Variants in MTCL2 observed in about 807,000 individuals in gnomAD.
The protein encoded by MTCL2 is microtubule crosslinking factor 2, also known as microtubule cross-linking factor 2.
chr20:36,825,184 C>A, the MTCL2 span, among the ~76,000 whole-genome samples: 1 of 152,170 alleles, frequency 6.6e-6, no homozygotes. Flanking sequence ...CTCAGGTGAT[C>A]CACCCGCCTT....
the MTCL2 span, among the ~76,000 whole-genome samples, chr20:36,854,756 T>C: frequency 2.0e-5 from 3 of 152,236 alleles, no homozygotes; most frequent in South Asian, 4.1e-4. Context: ...ATTTTTTTCA[T>C]AGAGGCTGAG....
chr20:36,805,743 T>C, the MTCL2 span: 8,867 of 976,766 alleles, frequency 9.1e-3, 928 homozygotes, highest in East Asian at 0.21. Context: ...GGCAATAACT[T>C]GCAACTTCAA....
At chr20:36,814,759 C>A in the MTCL2 span, among the ~76,000 whole-genome samples, 1 of 152,070 alleles carries the variant, frequency 6.6e-6, no homozygotes, top group Non-Finnish European at 1.5e-5. Flanking sequence ...TGATGGAGGG[C>A]GCCTGTAATC....
chr20:36,862,868 C>T, the MTCL2 span: 2 of 1,228,644 alleles, frequency 1.6e-6, no homozygotes, highest in Non-Finnish European at 2.0e-6. Flanking sequence ...CGGGCTGGGC[C>T]GGCTGCCCCG....
chr20:36,780,699 G>A, the MTCL2 span: 2 of 152,232 alleles, frequency 1.3e-5, no homozygotes, highest in African/African-American at 4.8e-5. Context: ...GTTACATGGG[G>A]TGGGACATTA....
chr20:36,839,540 A>G, the MTCL2 span: 4 of 1,069,588 alleles, frequency 3.7e-6, no homozygotes, highest in African/African-American at 1.6e-5. This position sits in a 1 kb window ranked among gnomAD's most constrained non-coding sequence, Gnocchi z 5.1. Flanking sequence ...ACCGTGGGGG[A>G]CCTGGATGTG....
At chr20:36,829,348 C>T in the MTCL2 span, 1 of 843,436 alleles carries the variant, frequency 1.2e-6, no homozygotes, top group Non-Finnish European at 1.8e-6. Flanking sequence ...TGCCACGCTG[C>T]AGATGAGCAA....
chr20:36,824,456 C>G, the MTCL2 span, among the ~76,000 whole-genome samples: 1 of 151,678 alleles, frequency 6.6e-6, no homozygotes, highest in Non-Finnish European at 1.5e-5. Flanking sequence ...CCAGAACAGG[C>G]AAATCCAGAG....
chr20:36,832,571 C>T, the MTCL2 span, among the ~76,000 whole-genome samples: 8 of 152,288 alleles, frequency 5.3e-5, no homozygotes, highest in Admixed American at 3.3e-4. Flanking sequence ...CGATGACTCA[C>T]GCCTATAATC....
At chr20:36,815,431 C>G in the MTCL2 span, 7 of 1,612,226 alleles carry the variant, frequency 4.3e-6, no homozygotes, top group Non-Finnish European at 5.9e-6. This position sits in a 1 kb window ranked among gnomAD's most constrained non-coding sequence, Gnocchi z 5.3. Flanking sequence ...GCATCAGCCA[C>G]CAGGACATCG....
the MTCL2 span, among the ~76,000 whole-genome samples, chr20:36,810,717 C>CCTCTCTCTCCCTCTCTCTCTCT: frequency 2.1e-5 from 2 of 94,194 alleles, no homozygotes; most frequent in Non-Finnish European, 4.2e-5. Context: ...TCTCTCTCTC[C>CCTCTCTCTCCCTCTCTCTCTCT]CTCTCTCTCT....
chr20:36,851,908 G>T, the MTCL2 span, among the ~76,000 whole-genome samples: 1 of 152,146 alleles, frequency 6.6e-6, no homozygotes, highest in African/African-American at 2.4e-5. Context: ...ACTACTTCTA[G>T]TCAGCGCTCC....
At chr20:36,819,610 C>CAAAAA in the MTCL2 span, among the ~76,000 whole-genome samples, 1 of 126,136 alleles carries the variant, frequency 7.9e-6, no homozygotes, top group Non-Finnish European at 1.7e-5. Flanking sequence ...CAGAATTACT[C>CAAAAA]AAAAAAAAAA....
At chr20:36,830,407 A>G in the MTCL2 span, among the ~76,000 whole-genome samples, 1 of 152,072 alleles carries the variant, frequency 6.6e-6, no homozygotes, top group Non-Finnish European at 1.5e-5. Context: ...CTCTACAAAA[A>G]ACCCAAAAAA....
the MTCL2 span, among the ~76,000 whole-genome samples, chr20:36,821,127 G>C: frequency 6.6e-6 from 1 of 152,230 alleles, no homozygotes; most frequent in South Asian, 2.1e-4. Context: ...CGTAACCAGA[G>C]CACTGCAGCT....
At chr20:36,829,220 G>A in the MTCL2 span, 4 of 1,603,644 alleles carry the variant, frequency 2.5e-6, no homozygotes, top group Non-Finnish European at 3.4e-6. Flanking sequence ...GACCTGTGCA[G>A]GGGTGGGAGA....
At chr20:36,803,124 A>C in the MTCL2 span, 1 of 1,584,768 alleles carries the variant, frequency 6.3e-7, no homozygotes, top group Non-Finnish European at 8.6e-7. Flanking sequence ...AAAGAAGCAG[A>C]CTAAGCAGCT....
At chr20:36,780,359 T>C in the MTCL2 span, 3 of 152,042 alleles carry the variant, frequency 2.0e-5, no homozygotes, top group African/African-American at 4.8e-5. Flanking sequence ...TTTAGGATGA[T>C]GAAAAAGTTC....
At chr20:36,834,219 G>A in the MTCL2 span, among the ~76,000 whole-genome samples, 1 of 151,594 alleles carries the variant, frequency 6.6e-6, no homozygotes, top group African/African-American at 2.4e-5. Flanking sequence ...CAGCATTCTG[G>A]ACTCCGTGTG....
Sources: allele counts gnomAD v4.1 joint callset (sites outside exome capture counted in the v4.1 genomes callset), GRCh38; gene constraint gnomAD v4.1.1; non-coding constraint Gnocchi (gnomAD v3.1); transcripts MANE v1.5; gene names NCBI Gene and HGNC (gene_info 2026-07-23, HGNC 2026-07-21).